The following APLP2 variants were observed in gnomAD, a reference collection of about 807,000 sequenced individuals.
The protein encoded by APLP2 is amyloid beta precursor like protein 2.
A neutral mutation model predicts 89.9 loss-of-function variants in APLP2; 53 were observed. The observed-to-expected ratio is 0.59, with a 90% CI of 0.47 to 0.74. The LOEUF is 0.74. Ranked by LOEUF, APLP2 falls within the 30% of genes least tolerant of loss-of-function variation. The pLI, the probability that APLP2 is intolerant of heterozygous loss-of-function variation, is 0.00. For synonymous variants in APLP2, 372 were observed against 348.6 expected (o/e 1.07, Z -0.75); for missense variants, 973 against 975.9 (o/e 1.00, Z 0.04).
rs1201590175 is a variant in APLP2 at position 130,144,275 on chromosome 11, A to G, written c.*827A>G. 1 of 152,266 alleles carries G rather than the reference A, an allele frequency of 6.6e-6. No individual in the cohort carries two copies. Among genetic ancestry groups the G allele is most frequent in the Non-Finnish European group, 1.5e-5 (1 of 68,108 alleles). 9.4% of individuals were successfully genotyped at this position (152,266 alleles called of 1,614,324 possible). ...TTCACTTCCCCTTCCAACTATGTCC[A>G]GATGTGCAGGCTCCTCCTCTCTGGA... On this transcript the variant is annotated 3_prime_UTR_variant, in exon 17 of 17. Coordinates refer to ENST00000338167, the MANE Select transcript of APLP2 (RefSeq NM_001142276.2).
In APLP2 at chr11:130,121,674, G is replaced by A. The variant is rs1591824361; in HGVS notation, c.577G>A (p.Asp193Asn). 1.9e-6 allele frequency: 3 copies of A among 1,614,150 alleles called. No individual in the cohort carries two copies. In the East Asian group the frequency reaches 6.7e-5, roughly 36 times the overall value. The change falls in exon 5 of 17, where the codon GAC (aspartate) becomes AAC (asparagine). Residue 193 changes from aspartate to asparagine, a missense_variant. Transcript: ENST00000338167. ...SYGMLLPCGVDQFHGTEYVCC... is the reference protein window; with the variant it reads ...SYGMLLPCGVNQFHGTEYVCC... ...CGGCATGCTGCTCCCATGTGGGGTA[G>A]ACCAGTTCCATGGCACTGAATATGT...
At chr11:130,091,241 C>A (rs1259016049) in intron 1 of APLP2, among the ~76,000 whole-genome samples, 331 of 135,728 alleles carry the variant, frequency 2.4e-3, no homozygotes, top group Middle Eastern at 8.4e-3. Context: ...ACCTCCCTCC[C>A]GCACGGGGCG....
At chr11:130,105,564 G>C (rs1232055442) in intron 1 of APLP2, among the ~76,000 whole-genome samples, 1 of 152,194 alleles carries the variant, frequency 6.6e-6, no homozygotes, top group African/African-American at 2.4e-5. Flanking sequence ...ACTGTTATTT[G>C]TTTATTTATT....
intron 14 of APLP2, 71 bp downstream of exon 14, chr11:130,140,554 A>G (rs1407811337): frequency 8.5e-6 from 11 of 1,294,134 alleles, no homozygotes; most frequent in African/African-American, 1.5e-5. Flanking sequence ...ACCTGATGTC[A>G]GATGCTTCCA....
intron 1 of APLP2, among the ~76,000 whole-genome samples, chr11:130,083,396 A>G (rs544513981): frequency 6.6e-6 from 1 of 152,264 alleles, no homozygotes; most frequent in East Asian, 1.9e-4. Flanking sequence ...TAAGTGCACA[A>G]TGCAGTATTG....
chr11:130,076,759 G>A (rs1010418307), intron 1 of APLP2, among the ~76,000 whole-genome samples: 2 of 152,224 alleles, frequency 1.3e-5, no homozygotes, highest in African/African-American at 4.8e-5. Context: ...AGAGGAGGAA[G>A]AGATAGTCTC....
At chr11:130,098,144 C>G (rs1396219166) in intron 1 of APLP2, among the ~76,000 whole-genome samples, 1 of 152,134 alleles carries the variant, frequency 6.6e-6, no homozygotes, top group Non-Finnish European at 1.5e-5. Context: ...CGGTGGCTCA[C>G]GCCTGTAATC....
intron 1 of APLP2, among the ~76,000 whole-genome samples, chr11:130,075,843 T>C (rs960096224): frequency 1.3e-5 from 2 of 152,218 alleles, no homozygotes; most frequent in African/African-American, 4.8e-5. Flanking sequence ...TTTTTACTCA[T>C]GTCTACCTGT....
chr11:130,075,593 G>A (rs746068729), intron 1 of APLP2, among the ~76,000 whole-genome samples: 4 of 152,144 alleles, frequency 2.6e-5, no homozygotes, highest in Admixed American at 6.5e-5. Context: ...AAAGCTCCCC[G>A]GATGATTCTA....
chr11:130,070,147 C>A (rs982754936), intron 1 of APLP2, 65 bp downstream of exon 1: 58 of 1,135,280 alleles, frequency 5.1e-5, no homozygotes, highest in Middle Eastern at 3.4e-4. Flanking sequence ...GGACTGCGGG[C>A]GGGCAGCGGG....
chr11:130,107,681 C>G (rs1947961632), intron 1 of APLP2, among the ~76,000 whole-genome samples: 1 of 152,164 alleles, frequency 6.6e-6, no homozygotes, highest in South Asian at 2.1e-4. Context: ...ATCAAGCTAC[C>G]AATGACTTTC....
chr11:130,071,967 G>A lies in APLP2; in HGVS notation c.105+1885G>A, dbSNP rs187329256. Among the ~76,000 whole-genome samples, 384 of 152,292 alleles carry A rather than the reference G, an allele frequency of 2.5e-3. 2 individuals are homozygous for A. The highest frequency in any genetic ancestry group is 8.8e-3 in the African/African-American group (364 of 41,568). On this transcript the variant is annotated intron_variant, in intron 1 of 16. Coordinates refer to ENST00000338167, the MANE Select transcript of APLP2 (RefSeq NM_001142276.2). Reference sequence around the variant, plus strand: ...GTCGAAGCTTAATTTAGATGAGAGTGGCCTAAATCAGGATGTCTTTGGGAA... The same window carrying A: ...GTCGAAGCTTAATTTAGATGAGAGTAGCCTAAATCAGGATGTCTTTGGGAA...
chr11:130,092,681 C>T (rs1281693407), intron 1 of APLP2, among the ~76,000 whole-genome samples: 3 of 102,070 alleles, frequency 2.9e-5, no homozygotes, highest in African/African-American at 5.1e-5. Context: ...GCTTCAGCTC[C>T]GCATGAGAGG....
At chr11:130,074,808 A>T (rs140471158) in intron 1 of APLP2, among the ~76,000 whole-genome samples, 251 of 152,352 alleles carry the variant, frequency 1.6e-3, no homozygotes, top group African/African-American at 5.6e-3. Context: ...ATTTCGAATT[A>T]TGCTAACATG....
intron 1 of APLP2, among the ~76,000 whole-genome samples, chr11:130,080,132 C>G (rs1942902949): frequency 6.6e-6 from 1 of 152,152 alleles, no homozygotes; most frequent in Non-Finnish European, 1.5e-5. Flanking sequence ...TAATTTTTCT[C>G]TTTTTGTAAT....
intron 1 of APLP2, among the ~76,000 whole-genome samples, chr11:130,080,985 G>A (rs897237747): frequency 6.6e-6 from 1 of 151,796 alleles, no homozygotes; most frequent in Admixed American, 6.5e-5. Context: ...CACCACGTCC[G>A]GTCGTTGGAT....
At chr11:130,100,949 G>T (rs928977843) in intron 1 of APLP2, among the ~76,000 whole-genome samples, 1 of 152,104 alleles carries the variant, frequency 6.6e-6, no homozygotes, top group African/African-American at 2.4e-5. Context: ...CAAGAATCCT[G>T]CTATTTTATT....
At chr11:130,126,874 G>A (rs912587833) in intron 8 of APLP2, 44 bp downstream of exon 8, 1 of 1,609,268 alleles carries the variant, frequency 6.2e-7, no homozygotes, top group Non-Finnish European at 8.5e-7. Context: ...CTTGGCTTTG[G>A]GTAGCATGGT....
chr11:130,086,364 G>A (rs979635474), intron 1 of APLP2, among the ~76,000 whole-genome samples: 1 of 152,070 alleles, frequency 6.6e-6, no homozygotes, highest in Non-Finnish European at 1.5e-5. Context: ...GCCCATTTTC[G>A]AATTAGATTG....
Sources: gnomAD v4.1 joint callset for allele counts (sites outside exome capture counted in the v4.1 genomes callset) on GRCh38, gnomAD v4.1.1 for gene constraint, MANE v1.5 for transcripts, NCBI Gene and HGNC (gene_info 2026-07-23, HGNC 2026-07-21) for gene names.